KREMEN1: variants seen among roughly 807,000 people sequenced by gnomAD.
The protein encoded by KREMEN1 is kringle containing transmembrane protein 1, also known as kremen protein 1.
In KREMEN1, 30 loss-of-function variants were observed where a neutral mutation model predicts 46.5. The observed-to-expected ratio is 0.65, with a 90% CI of 0.48 to 0.88. The LOEUF is 0.88. Ranked by LOEUF, KREMEN1 falls within the 40% of genes least tolerant of loss-of-function variation. The pLI, the probability that KREMEN1 is intolerant of heterozygous loss-of-function variation, is 0.00. For missense variants in KREMEN1, 533 were observed against 596.9 expected (o/e 0.89, Z 1.11); for synonymous variants, 214 against 230.6 (o/e 0.93, Z 0.65).
chr22:29,145,404 A>G lies in KREMEN1; in HGVS notation c.*3292A>G. On this transcript the variant is annotated 3_prime_UTR_variant, in exon 9 of 9. Coordinates refer to ENST00000400335, the MANE Select transcript of KREMEN1 (RefSeq NM_001039570.3). Reference sequence around the variant, plus strand: ...TGGCCAAAGCCCCTCCTGAGGTGACAGAGCGTGGGAGGAGGCTGCACTGGG... The same window carrying G: ...TGGCCAAAGCCCCTCCTGAGGTGACGGAGCGTGGGAGGAGGCTGCACTGGG... 1.0e-6 allele frequency: 1 copy of G among 985,522 alleles called. No homozygotes were observed. The allele number at this position is 985,522 out of a possible 1,614,324, so 61.0% of individuals were successfully genotyped here. A position where few individuals can be genotyped will look rare whatever the true frequency, so the allele number is the denominator to read the frequency against.
rs976646813 is a variant in KREMEN1 at position 29,082,659 on chromosome 22, G to A, written c.97+9432G>A. Among the ~76,000 whole-genome samples, 33 of 152,302 alleles carry A rather than the reference G, an allele frequency of 2.2e-4. No homozygotes were observed. The South Asian group carries it at 3.3e-3, about 15-fold the overall frequency. ...TTGCTGAGAATACAAAGGTGAGTAA[G>A]ATGCTCACAGGCTATTGGAAACAGG... On this transcript the variant is annotated intron_variant, in intron 1 of 8. Coordinates refer to ENST00000400335, the MANE Select transcript of KREMEN1 (RefSeq NM_001039570.3).
intron 5 of KREMEN1, among the ~76,000 whole-genome samples, chr22:29,131,933 C>T (rs551999314): frequency 3.8e-5 from 5 of 131,292 alleles, no homozygotes; most frequent in East Asian, 2.2e-4. Flanking sequence ...AGTGCAATGG[C>T]GCGATCTTGG....
intron 2 of KREMEN1, among the ~76,000 whole-genome samples, chr22:29,096,085 T>G (rs954284177): frequency 1.3e-5 from 2 of 152,218 alleles, no homozygotes; most frequent in African/African-American, 4.8e-5. Flanking sequence ...TATTTTATTT[T>G]CCAAGTTATA....
intron 4 of KREMEN1, among the ~76,000 whole-genome samples, chr22:29,123,744 C>T (rs1352146485): frequency 6.6e-6 from 1 of 152,174 alleles, no homozygotes; most frequent in Non-Finnish European, 1.5e-5. Context: ...GAGCCAACAT[C>T]ATACCACTGT....
At chr22:29,099,091 G>T in intron 3 of KREMEN1, 138 bp downstream of exon 3, 2 of 628,870 alleles carry the variant, frequency 3.2e-6, no homozygotes, top group Non-Finnish European at 2.8e-6. Context: ...CATCCTGGGC[G>T]AGGATTTTCA....
chr22:29,161,252 G>A (rs560238669), intron 9 of KREMEN1, among the ~76,000 whole-genome samples: 120 of 151,634 alleles, frequency 7.9e-4, no homozygotes, highest in South Asian at 1.7e-3. Flanking sequence ...TCATGCCTGT[G>A]ATCCCAGCAC....
chr22:29,097,407 G>A lies in KREMEN1; in HGVS notation c.261-1455G>A, dbSNP rs530776527. Among the ~76,000 whole-genome samples the A allele has an allele frequency of 9.2e-5, 14 of 152,286 alleles. No individual in the cohort carries two copies. The East Asian group carries it at 2.5e-3, about 27-fold the overall frequency. On this transcript the variant is annotated intron_variant, in intron 2 of 8. Coordinates refer to ENST00000400335, the MANE Select transcript of KREMEN1 (RefSeq NM_001039570.3). ...TTCTCATTTAGAAATGTGAAATAGA[G>A]CTTTAAAAAATATTATCTCCATATC...
At chr22:29,164,419 C>A (rs1569344395) in intron 9 of KREMEN1, among the ~76,000 whole-genome samples, 1 of 152,200 alleles carries the variant, frequency 6.6e-6, no homozygotes, top group Non-Finnish European at 1.5e-5. Context: ...TCTTACTGTG[C>A]TCCAGGCATT....
chr22:29,126,880 T>G (rs1203824986), intron 5 of KREMEN1, among the ~76,000 whole-genome samples: 2 of 152,210 alleles, frequency 1.3e-5, no homozygotes, highest in African/African-American at 2.4e-5. Context: ...GACCAATGCT[T>G]AGTTTGATAC....
intron 4 of KREMEN1, among the ~76,000 whole-genome samples, chr22:29,122,764 C>G (rs999346851): frequency 6.6e-6 from 1 of 151,578 alleles, no homozygotes; most frequent in Non-Finnish European, 1.5e-5. Context: ...ATGGTGAAAC[C>G]CCGTCTGTAC....
rs1167642094 is a variant in KREMEN1, at chr22:29,143,698, C to A, written c.*1586C>A. ...CGGAGCTTGCAGTGAGCAGAGATCA[C>A]GCCACTGCACTCCAGCCTGGGTGAC... On this transcript the variant is annotated 3_prime_UTR_variant, in exon 9 of 9. Coordinates refer to ENST00000400335, the MANE Select transcript of KREMEN1 (RefSeq NM_001039570.3). The A allele has an allele frequency of 6.6e-6, 6 of 913,386 alleles. No homozygotes were observed. Among genetic ancestry groups the A allele is most frequent in the Non-Finnish European group, 6.5e-6 (5 of 765,266 alleles). 56.6% of individuals were successfully genotyped at this position (913,386 alleles called of 1,614,324 possible).
chr22:29,094,898 A>G (rs79270695), intron 2 of KREMEN1, among the ~76,000 whole-genome samples: 13,149 of 152,196 alleles, frequency 0.086, 821 homozygotes, highest in African/African-American at 0.17. Flanking sequence ...TGCTGGGGTT[A>G]CAGGCGTGAG....
At chr22:29,092,104 C>G (rs1029884199) in intron 1 of KREMEN1, among the ~76,000 whole-genome samples, 1 of 152,126 alleles carries the variant, frequency 6.6e-6, no homozygotes, top group Non-Finnish European at 1.5e-5. Flanking sequence ...TGTGAGAGAA[C>G]AGAAGTGGAA....
intron 3 of KREMEN1, among the ~76,000 whole-genome samples, chr22:29,107,350 A>C (rs1349044379): frequency 6.6e-6 from 1 of 150,976 alleles, no homozygotes; most frequent in African/African-American, 2.4e-5. Flanking sequence ...CAGCCTCCCA[A>C]GTAGCTGGAT....
Position 29,141,938 on chromosome 22 carries a change from T to G in KREMEN1, c.1209-6T>G. On this transcript the variant is annotated splice_polypyrimidine_tract_variant and splice_region_variant and intron_variant, in intron 8 of 8. Transcript: ENST00000400335. ...CTATTGGAAAAAATATTTATCTGCT[T>G]GACAGATCCCATCGTGTTCCTGCTT... 2 of 1,587,704 alleles carry G rather than the reference T, an allele frequency of 1.3e-6. No homozygotes were observed. Among genetic ancestry groups the G allele is most frequent in the South Asian group, 1.2e-5 (1 of 86,688 alleles).
At chr22:29,147,515 G>A (rs1315654068), downstream of KREMEN1, among the ~76,000 whole-genome samples, 4 of 152,204 alleles carry the variant, frequency 2.6e-5, no homozygotes, top group Non-Finnish European at 4.4e-5. Flanking sequence ...CACAGCCCTG[G>A]AGTCAGCCCT....
chr22:29,096,193 G>A (rs897574730), intron 2 of KREMEN1, among the ~76,000 whole-genome samples: 1 of 152,118 alleles, frequency 6.6e-6, no homozygotes, highest in African/African-American at 2.4e-5. Context: ...AGTTGGTTGG[G>A]TTGGGAAGAG....
intron 9 of KREMEN1, among the ~76,000 whole-genome samples, chr22:29,165,203 A>G (rs1165173635): frequency 6.6e-6 from 1 of 151,990 alleles, no homozygotes; most frequent in Non-Finnish European, 1.5e-5. Flanking sequence ...AAAGGCCAGG[A>G]GTTCAAGACT....
At chr22:29,127,847 C>G (rs2038470891) in intron 5 of KREMEN1, among the ~76,000 whole-genome samples, 2 of 152,142 alleles carry the variant, frequency 1.3e-5, no homozygotes, top group Non-Finnish European at 2.9e-5. Context: ...TGTCTATCAG[C>G]TGATGAATGG....
Sources: gnomAD v4.1 joint callset for allele counts (sites outside exome capture counted in the v4.1 genomes callset) on GRCh38, gnomAD v4.1.1 for gene constraint, MANE v1.5 for transcripts, NCBI Gene and HGNC (gene_info 2026-07-23, HGNC 2026-07-21) for gene names.